N4BP3: variants seen among roughly 807,000 people sequenced by gnomAD.
N4BP3 encodes NEDD4-binding protein 3.
A neutral mutation model predicts 43.8 loss-of-function variants in N4BP3; 33 were observed. The ratio of observed to expected loss-of-function variants is 0.75; its 90% CI spans 0.57 to 1.01. The LOEUF (loss-of-function observed/expected upper bound fraction) is 1.01. Among genes scored for constraint, N4BP3 ranks in the 50% least tolerant of loss-of-function variants. The pLI is 0.00. For synonymous variants in N4BP3, 326 were observed against 321.9 expected (o/e 1.01, Z -0.14); for missense variants, 756 against 744.2 (o/e 1.02, Z -0.18).
At position 178,119,632 on chromosome 5, in the gene N4BP3, A is replaced by C; in HGVS notation, c.49A>C (p.Ser17Arg). Residue 17 changes from serine to arginine, a missense_variant, in exon 2 of 5, where the codon AGC (serine) becomes CGC (arginine). Ser to Arg is a moderately radical substitution (Grantham distance 110). Transcript: ENST00000274605. Reference protein sequence around the residue: ...PAGIAMGSVGSLLERQDFSPE... With the variant: ...PAGIAMGSVGRLLERQDFSPE... ...TGGCATTGCCATGGGCAGCGTGGGCAGCCTGTTGGAACGGCAGGACTTCTC... is the reference window on the plus strand; with the variant it reads ...TGGCATTGCCATGGGCAGCGTGGGCCGCCTGTTGGAACGGCAGGACTTCTC... 1 of 1,579,920 alleles carries C rather than the reference A, an allele frequency of 6.3e-7. No individual in the cohort carries two copies. The highest frequency in any genetic ancestry group is 1.2e-5 in the South Asian group (1 of 85,036).
Position 178,118,789 on chromosome 5 carries a change from C to T in N4BP3, c.-30-765C>T, listed in dbSNP as rs1378696583. ...GTCTCACTGGCCTTGGGTCTCTGTGCCTTCTCCCCACCCCACAGATTTGGT... is the reference window on the plus strand; with the variant it reads ...GTCTCACTGGCCTTGGGTCTCTGTGTCTTCTCCCCACCCCACAGATTTGGT... On this transcript the variant is annotated intron_variant, in intron 1 of 4. Transcript: ENST00000274605. The surrounding 1 kb of genome is among the most constrained non-coding windows in gnomAD (Gnocchi z 5.4). Among the ~76,000 whole-genome samples the T allele has an allele frequency of 1.3e-5, 2 of 151,984 alleles. No individual in the cohort carries two copies. Among genetic ancestry groups the T allele is most frequent in the Non-Finnish European group, 2.9e-5 (2 of 67,980 alleles).
At position 178,123,402 on chromosome 5, in the gene N4BP3, A is replaced by T. The variant is rs908838052; in HGVS notation, c.*1401A>T. The T allele has an allele frequency of 7.9e-5, 12 of 152,266 alleles. No individual in the cohort carries two copies. The highest frequency in any genetic ancestry group is 7.9e-4 in the Admixed American group (12 of 15,282). The allele number at this position is 152,266 out of a possible 1,614,324, so 9.4% of individuals were successfully genotyped here. Reference sequence around the variant, plus strand: ...CTGCCGCAGGGGGCCCTGCACACTGATGTCAGCTCACCAGTCTCTTCCCTG... The same window carrying T: ...CTGCCGCAGGGGGCCCTGCACACTGTTGTCAGCTCACCAGTCTCTTCCCTG... On this transcript the variant is annotated 3_prime_UTR_variant, in exon 5 of 5. Transcript: ENST00000274605.
At position 178,120,419 on chromosome 5, in the gene N4BP3, C is replaced by T; in HGVS notation, c.572C>T (p.Ser191Phe). 6.2e-7 allele frequency: 1 copy of T among 1,613,026 alleles called. No individual in the cohort carries two copies. The highest frequency in any genetic ancestry group is 8.5e-7 in the Non-Finnish European group (1 of 1,179,992). Residue 191 changes from serine to phenylalanine, a missense_variant, in exon 3 of 5, where the codon TCC becomes TTC. Physicochemically the swap from Ser to Phe is radical, Grantham distance 155. Transcript: ENST00000274605. ...GAGCCCGAGCCCAGCCTGTCCGACT[C>T]CTCCAGTGGGGGTAGTTTTGGTCGC... is the stretch of plus-strand genomic sequence containing the variant. ...GPEPEPSLSDSSSGGSFGRSP... is the reference protein window; with the variant it reads ...GPEPEPSLSDFSSGGSFGRSP...
Position 178,118,824 on chromosome 5 carries a change from G to A in N4BP3, c.-30-730G>A, listed in dbSNP as rs1172427975. 6.6e-6 allele frequency among the ~76,000 whole-genome samples: 1 copy of A among 151,954 alleles called. No individual in the cohort carries two copies. Among genetic ancestry groups the A allele is most frequent in the Non-Finnish European group, 1.5e-5 (1 of 67,984 alleles). ...ACCCCACAGATTTGGTGGGGAACATGGCAGGAGGGTAAGCAAGGTCAGGTT... is the reference window on the plus strand; with the variant it reads ...ACCCCACAGATTTGGTGGGGAACATAGCAGGAGGGTAAGCAAGGTCAGGTT... On this transcript the variant is annotated intron_variant, in intron 1 of 4. Coordinates refer to ENST00000274605, the MANE Select transcript of N4BP3 (RefSeq NM_015111.2). The surrounding 1 kb of genome is among the most constrained non-coding windows in gnomAD (Gnocchi z 5.4).
In N4BP3 at chr5:178,124,796, G is replaced by A. The variant is rs576257611; in HGVS notation, c.*2795G>A. 1 of 152,578 alleles carries A rather than the reference G, an allele frequency of 6.6e-6. No homozygotes were observed. Among genetic ancestry groups the A allele is most frequent in the African/African-American group, 2.4e-5 (1 of 41,438 alleles). The allele number at this position is 152,578 out of a possible 1,614,324, so 9.5% of individuals were successfully genotyped here. On this transcript the variant is annotated 3_prime_UTR_variant, in exon 5 of 5. Coordinates refer to ENST00000274605, the MANE Select transcript of N4BP3 (RefSeq NM_015111.2). ...TAGCCCTCTGAGCCCTCATCCTGCA[G>A]GCAGAGCCCCTCAGTGCTCTGAGAA...
At position 178,125,823 on chromosome 5, in the gene N4BP3, G is replaced by A. The variant is rs1179275133; in HGVS notation, c.*3822G>A. The stretch of plus-strand genomic sequence containing the variant: ...CCCAGCATTCTCCTGTGGCCCTCTA[G>A]TCCACCCCCCGCCCCACCCCAGCCC... On this transcript the variant is annotated 3_prime_UTR_variant, in exon 5 of 5. Transcript: ENST00000274605. The A allele has an allele frequency of 6.6e-6, 1 of 151,396 alleles. No individual in the cohort carries two copies. Among genetic ancestry groups the A allele is most frequent in the Non-Finnish European group, 1.5e-5 (1 of 67,880 alleles). The allele number at this position is 151,396 out of a possible 1,614,324, so 9.4% of individuals were successfully genotyped here.
Position 178,122,287 on chromosome 5 carries a change from T to C in N4BP3, c.*286T>C, listed in dbSNP as rs1057263166. On this transcript the variant is annotated 3_prime_UTR_variant, in exon 5 of 5. Coordinates refer to ENST00000274605, the MANE Select transcript of N4BP3 (RefSeq NM_015111.2). ...GGCTGGGGGATCACCAGCCCCAAGG[T>C]CCCGAAGGGCAGGTCAGAGGGAGAG... 1.3e-5 allele frequency: 5 copies of C among 375,056 alleles called. No homozygotes were observed. Among genetic ancestry groups the C allele is most frequent in the African/African-American group, 8.2e-5 (4 of 48,604 alleles). The allele number at this position is 375,056 out of a possible 1,614,324, so 23.2% of individuals were successfully genotyped here.
intron 3 of N4BP3, 96 bp from the exon 4 acceptor site, chr5:178,121,002 G>A (rs770248648): frequency 5.4e-5 from 78 of 1,451,008 alleles, no homozygotes; most frequent in Non-Finnish European, 3.8e-5. Flanking sequence ...GTGGTGTAGG[G>A]GCACAGGATA....
In N4BP3 at chr5:178,119,549, C is replaced by T; in HGVS notation, c.-30-5C>T. ...CTGCCCCTAATGGAGCCTCCCAATT[C>T]CCAGAAGCAGCTGCCTGTACCCTGT... On this transcript the variant is annotated splice_region_variant and splice_polypyrimidine_tract_variant and intron_variant, in intron 1 of 4. Coordinates refer to ENST00000274605, the MANE Select transcript of N4BP3 (RefSeq NM_015111.2). 6.6e-7 allele frequency: 1 copy of T among 1,510,642 alleles called. No individual in the cohort carries two copies. Among genetic ancestry groups the T allele is most frequent in the Non-Finnish European group, 8.9e-7 (1 of 1,129,594 alleles). 93.6% of individuals were successfully genotyped at this position (1,510,642 alleles called of 1,614,324 possible).
At chr5:178,116,518 C>G (rs1230422427) in intron 1 of N4BP3, among the ~76,000 whole-genome samples, 2 of 152,186 alleles carry the variant, frequency 1.3e-5, no homozygotes, top group African/African-American at 4.8e-5. Context: ...TGCCACTGGG[C>G]TGCTCCTGCT....
In N4BP3 at chr5:178,118,764, G is replaced by T. The variant is rs138632115; in HGVS notation, c.-30-790G>T. Among the ~76,000 whole-genome samples, 1 of 152,160 alleles carries T rather than the reference G, an allele frequency of 6.6e-6. No individual in the cohort carries two copies. Among genetic ancestry groups the T allele is most frequent in the Non-Finnish European group, 1.5e-5 (1 of 68,028 alleles). ...TTACCCCTCTCCCATGGGAAGGAGG[G>T]TCTCACTGGCCTTGGGTCTCTGTGC... On this transcript the variant is annotated intron_variant, in intron 1 of 4. Coordinates refer to ENST00000274605, the MANE Select transcript of N4BP3 (RefSeq NM_015111.2). The surrounding 1 kb of genome is among the most constrained non-coding windows in gnomAD (Gnocchi z 5.4).
rs761856052 is a variant in N4BP3, at chr5:178,121,163, C to T, written c.918C>T (p.His306=). 2.5e-6 allele frequency: 4 copies of T among 1,601,048 alleles called. No individual in the cohort carries two copies. The highest frequency in any genetic ancestry group is 2.2e-5 in the East Asian group (1 of 44,752). The change falls in exon 4 of 5, where the codon CAC becomes CAT. Residue 306 remains histidine (H), a synonymous_variant. Coordinates refer to ENST00000274605, the MANE Select transcript of N4BP3 (RefSeq NM_015111.2). ...AGCGCCTGTATGTGGAGCGGCTGCA[C>T]GAGGTGACCCAGAAGGCTGAGCGCA... ...ELKRLYVERL[H]EVTQKAERSE...
Position 178,118,929 on chromosome 5 carries a change from G to A in N4BP3, c.-30-625G>A, listed in dbSNP as rs1487656264. 6.6e-6 allele frequency among the ~76,000 whole-genome samples: 1 copy of A among 150,848 alleles called. No individual in the cohort carries two copies. Among genetic ancestry groups the A allele is most frequent in the African/African-American group, 2.4e-5 (1 of 40,962 alleles). ...CGCCCATGCTGGAGTGCAGTGGTGC[G>A]ATCTCGGCTCACTGCAAGCTCTGCC... On this transcript the variant is annotated intron_variant, in intron 1 of 4. Coordinates refer to ENST00000274605, the MANE Select transcript of N4BP3 (RefSeq NM_015111.2). The surrounding 1 kb of genome is among the most constrained non-coding windows in gnomAD (Gnocchi z 5.4).
chr5:178,114,356 C>A (rs1341253636), intron 1 of N4BP3, among the ~76,000 whole-genome samples: 1 of 152,214 alleles, frequency 6.6e-6, no homozygotes, highest in African/African-American at 2.4e-5. Flanking sequence ...CCTCCTTTAT[C>A]CCCCAACCCC....
intron 1 of N4BP3, among the ~76,000 whole-genome samples, chr5:178,115,321 C>T (rs1355797148): frequency 6.6e-6 from 1 of 152,192 alleles, no homozygotes; most frequent in Non-Finnish European, 1.5e-5. Flanking sequence ...CAGCCCCTCT[C>T]TGGGCCCCCC....
chr5:178,115,255 C>T (rs986806228), intron 1 of N4BP3, among the ~76,000 whole-genome samples: 1 of 152,216 alleles, frequency 6.6e-6, no homozygotes, highest in African/African-American at 2.4e-5. Flanking sequence ...AGGCTTTAGC[C>T]CCTGTCTCTG....
In N4BP3 at chr5:178,118,295, C is replaced by A. The variant is rs1032894801; in HGVS notation, c.-30-1259C>A. On this transcript the variant is annotated intron_variant, in intron 1 of 4. Coordinates refer to ENST00000274605, the MANE Select transcript of N4BP3 (RefSeq NM_015111.2). This position sits in a 1 kb window ranked among gnomAD's most constrained non-coding sequence, Gnocchi z 5.4. ...AGCTCGGCTCCAGCCAGCCTGTTGA[C>A]CCTGGCTGTGGCCCAGGCCCTGAAC... Among the ~76,000 whole-genome samples the A allele has an allele frequency of 2.6e-5, 4 of 152,184 alleles. No homozygotes were observed. Among genetic ancestry groups the A allele is most frequent in the African/African-American group, 9.7e-5 (4 of 41,436 alleles).
chr5:178,114,634 T>C (rs1412313781), intron 1 of N4BP3, among the ~76,000 whole-genome samples: 1 of 152,216 alleles, frequency 6.6e-6, no homozygotes, highest in Admixed American at 6.5e-5. Context: ...GAGGCCATCC[T>C]GGGCGCGGTT....
intron 2 of N4BP3, 34 bp downstream of exon 2, chr5:178,119,947 G>A (rs1289833783): frequency 6.4e-7 from 1 of 1,556,022 alleles, no homozygotes; most frequent in Non-Finnish European, 8.7e-7. Flanking sequence ...ACAAGGTGTG[G>A]GGAGGGTGGG....
Sources: gnomAD v4.1 joint callset for allele counts (sites outside exome capture counted in the v4.1 genomes callset) on GRCh38, gnomAD v4.1.1 for gene constraint, Gnocchi (gnomAD v3.1) non-coding constraint, MANE v1.5 for transcripts, NCBI Gene and HGNC (gene_info 2026-07-23, HGNC 2026-07-21) for gene names.